Variants in GP2 observed in about 807,000 individuals in gnomAD.
GP2 encodes pancreatic secretory granule membrane major glycoprotein GP2.
Under a neutral mutation model 60.8 loss-of-function variants are expected in GP2, and 58 were observed. The observed-to-expected ratio is 0.95, with a 90% confidence interval of 0.77 to 1.19. The LOEUF is 1.19. GP2 is among the 50% of genes most tolerant of loss of function. The pLI is 0.00. For missense variants in GP2, 647 were observed against 667.4 expected, an observed-to-expected ratio of 0.97 and a Z score of 0.34; for synonymous variants, 280 against 253.4, an observed-to-expected ratio of 1.10 and a Z score of -1.00.
intron 9 of GP2, among the ~76,000 whole-genome samples, chr16:20,315,259 A>T (rs934567661): frequency 1.3e-5 from 2 of 152,218 alleles, no homozygotes; most frequent in African/African-American, 4.8e-5. Context: ...ACAAAGTGCC[A>T]GGCACAAAGA....
In GP2 at chr16:20,309,647, A is replaced by C. The variant is rs1567282422; in HGVS notation, c.*1576T>G. ...GCTGGCTTCAGAGACATAAAAAGAA[A>C]ACAAAAGCGATGCAAAAATACACAG... is the stretch of plus-strand genomic sequence containing the variant. On this transcript the variant is annotated 3_prime_UTR_variant, in exon 11 of 11. Coordinates refer to ENST00000302555, the MANE Select transcript of GP2 (RefSeq NM_001502.4). The C allele has an allele frequency of 6.6e-6, 1 of 152,172 alleles. No individual in the cohort carries two copies. Among genetic ancestry groups the C allele is most frequent in the South Asian group, 2.1e-4 (1 of 4,822 alleles). The allele number at this position is 152,172 out of a possible 1,614,324, so 9.4% of individuals were successfully genotyped here. A position where few individuals can be genotyped will look rare whatever the true frequency, so the allele number is the denominator to read the frequency against.
intron 4 of GP2, among the ~76,000 whole-genome samples, chr16:20,322,632 C>T (rs910980143): frequency 6.6e-6 from 1 of 152,134 alleles, no homozygotes; most frequent in African/African-American, 2.4e-5. Context: ...CTGCCCATGT[C>T]AGAACCATTT....
In GP2 at chr16:20,320,445, G is replaced by A. The variant is rs764999700; in HGVS notation, c.675C>T (p.Asp225=). The part of the protein sequence containing the change: ...SDVHSLQPQL[D]CGPREIKVKV... ...TCACCTTGATCTCCCTGGGCCCACAGTCTAGCTGAGGCTGCAAACTGTGGA... is the reference window on the plus strand; with the variant it reads ...TCACCTTGATCTCCCTGGGCCCACAATCTAGCTGAGGCTGCAAACTGTGGA... Residue 225 remains aspartate, a synonymous_variant, in exon 5 of 11, where the codon GAC becomes GAT. Transcript: ENST00000302555. 1 of 1,613,798 alleles carries A rather than the reference G, an allele frequency of 6.2e-7. No individual in the cohort carries two copies. Among genetic ancestry groups the A allele is most frequent in the East Asian group, 2.2e-5 (1 of 44,862 alleles).
intron 3 of GP2, 73 bp from the exon 4 acceptor site, chr16:20,323,052 C>T (rs993866648): frequency 6.3e-6 from 5 of 790,058 alleles, no homozygotes; most frequent in Non-Finnish European, 6.6e-6. Context: ...AAGTCCAACC[C>T]TTTCATTTCA....
chr16:20,325,743 A>G (rs1057059120), intron 2 of GP2, among the ~76,000 whole-genome samples: 5 of 152,248 alleles, frequency 3.3e-5, no homozygotes, highest in Admixed American at 1.3e-4. Flanking sequence ...ACATGCTTAT[A>G]ATACACATTA....
Position 20,316,027 on chromosome 16 carries a change from C to A in GP2, c.1430G>T (p.Ser477Ile). Residue 477 changes from serine (S) to isoleucine (I), a missense_variant, in exon 9 of 11, where the codon AGT (serine) becomes ATT (isoleucine). Transcript: ENST00000302555. ...NEQCQPSCSR[S>I]QVRSEVPAID... is the part of the protein sequence containing the mutation. ...GGCCGGTACTTCACTGCGGACTTGA[C>A]TTCTTGAGCAAGACTGTAGGGATGA... The A allele has an allele frequency of 1.9e-6, 3 of 1,610,546 alleles. No homozygotes were observed. The African/African-American group carries it at 4.0e-5, about 21-fold the overall frequency.
chr16:20,320,557 C>A, intron 4 of GP2, 84 bp from the exon 5 acceptor site: 1 of 886,066 alleles, frequency 1.1e-6, no homozygotes, highest in Admixed American at 2.0e-5. Context: ...TCTCCATGAC[C>A]CAGAAGATTA....
At chr16:20,317,405 C>T (rs1488728735) in intron 7 of GP2, 30 bp from the exon 8 acceptor site, 11 of 1,578,188 alleles carry the variant, frequency 7.0e-6, no homozygotes, top group Non-Finnish European at 7.0e-6. Context: ...AAAGGTGTAA[C>T]TTCTAAAAAC....
chr16:20,327,062 G>T (rs941503295), intron 1 of GP2: 24 of 164,014 alleles, frequency 1.5e-4, no homozygotes, highest in African/African-American at 4.6e-4. Context: ...TTCCCTAAAT[G>T]GCCAAATCTT....
At chr16:20,317,400 T>G (rs1964217376) in intron 7 of GP2, 25 bp from the exon 8 acceptor site, 1 of 1,596,994 alleles carries the variant, frequency 6.3e-7, no homozygotes, top group African/African-American at 1.3e-5. Flanking sequence ...GGGGCAAAGG[T>G]GTAACTTCTA....
rs985891387 is a variant in GP2, at chr16:20,317,465, C to T, written c.1254-90G>A. On this transcript the variant is annotated intron_variant, in intron 7 of 10. Coordinates refer to ENST00000302555, the MANE Select transcript of GP2 (RefSeq NM_001502.4). ...CCTCGGGTTCCCTCCATCATGATAA[C>T]GTGGACTTTTTCTGTTCCTCTGTTT... is the stretch of plus-strand genomic sequence containing the variant. 22 of 979,074 alleles carry T rather than the reference C, an allele frequency of 2.2e-5. No individual in the cohort carries two copies. In the East Asian group the frequency reaches 2.9e-4, roughly 13 times the overall value. The allele number at this position is 979,074 out of a possible 1,614,324, so 60.6% of individuals were successfully genotyped here.
At position 20,318,251 on chromosome 16, in the gene GP2, C is replaced by T; in HGVS notation, c.1187G>A (p.Arg396Lys). The change falls in exon 7 of 11, where the codon AGG becomes AAG. Residue 396 changes from arginine (R) to lysine (K), a missense_variant. Physicochemically the swap from Arg to Lys is conservative, Grantham distance 26 (BLOSUM62 2). Coordinates refer to ENST00000302555, the MANE Select transcript of GP2 (RefSeq NM_001502.4). ...TTCAGTGGGGGTGGCATAGCAGTTC[C>T]TCAACACCAGGTTAAACCGGGAGGT... ...GDTSRFNLVL[R>K]NCYATPTEDK... 1 of 1,612,088 alleles carries T rather than the reference C, an allele frequency of 6.2e-7. No homozygotes were observed. Among genetic ancestry groups the T allele is most frequent in the Non-Finnish European group, 8.5e-7 (1 of 1,178,162 alleles).
At chr16:20,315,739 T>C (rs925531246) in intron 9 of GP2, among the ~76,000 whole-genome samples, 2 of 152,218 alleles carry the variant, frequency 1.3e-5, no homozygotes, top group African/African-American at 4.8e-5. Context: ...AGTGAATTGA[T>C]GGATGCAAGA....
Position 20,320,286 on chromosome 16 carries a change from AG to A in GP2, c.833del (p.Ala278ValfsTer46), listed in dbSNP as rs764370616. ...NWVSVTSPVQ[A>X]SACRNILERN... Reference sequence around the variant, plus strand: ...CCTCCAGAATGTTCCTGCAGGCACTAGCCTGGACGGGGCTGGTCACAGATAC... The same window carrying A: ...CCTCCAGAATGTTCCTGCAGGCACTACCTGGACGGGGCTGGTCACAGATAC... On this transcript the variant is annotated frameshift_variant, in exon 5 of 11. Coordinates refer to ENST00000302555, the MANE Select transcript of GP2 (RefSeq NM_001502.4). LOFTEE classifies it high-confidence loss of function. 1.1e-5 allele frequency: 17 copies of A among 1,613,708 alleles called. No individual in the cohort carries two copies. The highest frequency in any genetic ancestry group is 1.4e-5 in the Non-Finnish European group (16 of 1,179,724).
In GP2 at chr16:20,318,169, C is replaced by T. The variant is rs770608333; in HGVS notation, c.1253+16G>A. The T allele has an allele frequency of 1.9e-6, 3 of 1,609,394 alleles. No homozygotes were observed. Among genetic ancestry groups the T allele is most frequent in the African/African-American group, 2.7e-5 (2 of 74,806 alleles). On this transcript the variant is annotated intron_variant, in intron 7 of 10. Transcript: ENST00000302555. ...CGTTAGTAAGGCCAAATGATAATTC[C>T]AGAATTGCTCGTTACCTGTTTCTGA...
chr16:20,322,624 G>T (rs2141607187), intron 4 of GP2, among the ~76,000 whole-genome samples: 1 of 152,236 alleles, frequency 6.6e-6, no homozygotes, highest in South Asian at 2.1e-4. Flanking sequence ...GGTCAAGCCT[G>T]CCCATGTCAG....
chr16:20,320,133 T>C (rs1485982754), intron 5 of GP2, 129 bp downstream of exon 5: 1 of 677,108 alleles, frequency 1.5e-6, no homozygotes, highest in Non-Finnish European at 2.6e-6. Flanking sequence ...TAAACCAACT[T>C]GTGCACTCTC....
rs565182731 is a variant in GP2, at chr16:20,311,014, C to T, written c.*209G>A. 793 of 409,492 alleles carry T rather than the reference C, an allele frequency of 1.9e-3. 2 individuals carry two copies. Among genetic ancestry groups the T allele is most frequent in the Non-Finnish European group, 3.2e-3 (697 of 219,184 alleles). The allele number at this position is 409,492 out of a possible 1,614,324, so 25.4% of individuals were successfully genotyped here. On this transcript the variant is annotated 3_prime_UTR_variant, in exon 11 of 11. Transcript: ENST00000302555. ...TCAGGTGATCCACCTGCCTCAGCCT[C>T]CCAAAATGCTGGGATTACAGGCATG...
chr16:20,323,039 C>T, intron 3 of GP2, 60 bp from the exon 4 acceptor site: 2 of 908,704 alleles, frequency 2.2e-6, no homozygotes, highest in South Asian at 1.4e-5. Flanking sequence ...ACTTGAGGCC[C>T]CCAAGTCCAA....
Sources: allele counts gnomAD v4.1 joint callset (sites outside exome capture counted in the v4.1 genomes callset), GRCh38; gene constraint gnomAD v4.1.1; transcripts MANE v1.5; gene names NCBI Gene and HGNC (gene_info 2026-07-23, HGNC 2026-07-21).